Variants in ERI3 observed in about 807,000 individuals in gnomAD.
ERI3 encodes the protein ERI1 exoribonuclease 3.
A neutral mutation model predicts 44.4 loss-of-function variants in ERI3; 18 were observed. The observed-to-expected ratio is 0.41, with a 90% CI of 0.28 to 0.60. ERI3 has a LOEUF of 0.60. Ranked by LOEUF, ERI3 falls within the 20% of genes least tolerant of loss-of-function variation. ERI3 has a pLI of 0.36. For synonymous variants in ERI3, 183 were observed against 164.8 expected (o/e 1.11, Z -0.84); for missense variants, 294 against 435.5 (o/e 0.68, Z 2.89).
chr1:44,354,760 T>C, intron 1 of ERI3, 132 bp downstream of exon 1: 1 of 1,252,706 alleles, frequency 8.0e-7, no homozygotes, highest in Non-Finnish European at 1.0e-6. Context: ...CATTACTCAG[T>C]AGATTAAGTA....
intron 7 of ERI3, among the ~76,000 whole-genome samples, chr1:44,272,124 C>A (rs1428459335): frequency 2.0e-5 from 3 of 152,172 alleles, no homozygotes. Flanking sequence ...ACCATTTTAT[C>A]CTCAGGTCAA....
At chr1:44,353,043 T>C (rs1389425026) in intron 1 of ERI3, 118 bp from the exon 2 acceptor site, 2 of 1,540,912 alleles carry the variant, frequency 1.3e-6, no homozygotes, top group African/African-American at 1.4e-5. Flanking sequence ...GCTATCTATG[T>C]GCAAAGACAG....
intron 6 of ERI3, among the ~76,000 whole-genome samples, chr1:44,302,000 T>C (rs981439863): frequency 2.0e-5 from 3 of 152,192 alleles, no homozygotes; most frequent in African/African-American, 7.2e-5. Flanking sequence ...CCTGCCCTCT[T>C]TCCATTCTCA....
intron 2 of ERI3, among the ~76,000 whole-genome samples, chr1:44,349,565 C>T (rs897791432): frequency 7.2e-5 from 11 of 152,194 alleles, no homozygotes; most frequent in Non-Finnish European, 1.5e-5. Context: ...GCTGCCACCA[C>T]AAGCAGCTAT....
chr1:44,312,642 C>T (rs1408249842), intron 5 of ERI3, among the ~76,000 whole-genome samples: 1 of 152,236 alleles, frequency 6.6e-6, no homozygotes, highest in Non-Finnish European at 1.5e-5. Flanking sequence ...CCTCTGCACC[C>T]GACAGGCACA....
At chr1:44,237,479 G>A (rs2154316925) in intron 8 of ERI3, among the ~76,000 whole-genome samples, 1 of 152,332 alleles carries the variant, frequency 6.6e-6, no homozygotes, top group South Asian at 2.1e-4. Flanking sequence ...TTAGAGGCCA[G>A]CATCAACCCC....
At chr1:44,350,163 C>T (rs1210445599) in intron 2 of ERI3, among the ~76,000 whole-genome samples, 1 of 152,138 alleles carries the variant, frequency 6.6e-6, no homozygotes, top group African/African-American at 2.4e-5. Context: ...TCAAGAAGTT[C>T]GAATTAATTG....
chr1:44,261,202 C>T (rs1473921411), intron 7 of ERI3, among the ~76,000 whole-genome samples: 1 of 152,234 alleles, frequency 6.6e-6, no homozygotes, highest in African/African-American at 2.4e-5. Flanking sequence ...TTACCCTTGG[C>T]TTTTTGCTCC....
At chr1:44,262,781 T>G (rs1180432432) in intron 7 of ERI3, among the ~76,000 whole-genome samples, 1 of 152,202 alleles carries the variant, frequency 6.6e-6, no homozygotes, top group Non-Finnish European at 1.5e-5. Context: ...CCTGGTGGTC[T>G]ATTTAGAGCA....
chr1:44,341,467 C>T (rs547053614), intron 2 of ERI3, among the ~76,000 whole-genome samples: 1 of 152,240 alleles, frequency 6.6e-6, no homozygotes, highest in Non-Finnish European at 1.5e-5. Flanking sequence ...AGAGTAATAT[C>T]GATGTCTTCT....
At chr1:44,287,029 G>A (rs1645407710) in intron 6 of ERI3, among the ~76,000 whole-genome samples, 1 of 152,140 alleles carries the variant, frequency 6.6e-6, no homozygotes, top group Admixed American at 6.5e-5. Flanking sequence ...CATATTACCT[G>A]TGGTCAACCT....
chr1:44,342,822 T>TATATATATATATAA (rs1557867431), intron 2 of ERI3, among the ~76,000 whole-genome samples: 6 of 12,964 alleles, frequency 4.6e-4, no homozygotes, highest in East Asian at 1.8e-3. Flanking sequence ...AATATATATA[T>TATATATATATATAA]ATATATATAT....
intron 3 of ERI3, among the ~76,000 whole-genome samples, chr1:44,330,237 C>T (rs772559282): frequency 2.9e-4 from 44 of 152,308 alleles, no homozygotes; most frequent in African/African-American, 6.0e-4. Context: ...TCAGCAACGT[C>T]GGCATCTCCA....
At chr1:44,343,119 G>C (rs1646717959) in intron 2 of ERI3, among the ~76,000 whole-genome samples, 1 of 151,430 alleles carries the variant, frequency 6.6e-6, no homozygotes, top group South Asian at 2.1e-4. Flanking sequence ...ATAACATCTT[G>C]TATCAGAAAG....
chr1:44,310,973 A>G (rs5018143), intron 5 of ERI3, among the ~76,000 whole-genome samples: 47,423 of 101,206 alleles, frequency 0.47, 9,142 homozygotes, highest in Admixed American at 0.52. Flanking sequence ...GCACACACAC[A>G]CACACACACA....
chr1:44,251,813 T>C (rs1350970560), intron 7 of ERI3, among the ~76,000 whole-genome samples: 1 of 152,204 alleles, frequency 6.6e-6, no homozygotes, highest in African/African-American at 2.4e-5. Context: ...CAACATGGCA[T>C]CAAGGGGCCT....
chr1:44,331,301 ATTTT>A (rs112983929), intron 3 of ERI3, among the ~76,000 whole-genome samples: 2 of 144,160 alleles, frequency 1.4e-5, no homozygotes, highest in African/African-American at 5.1e-5. Context: ...CAAATTCCCA[ATTTT>A]TTTTTTTTTT....
intron 2 of ERI3, among the ~76,000 whole-genome samples, chr1:44,341,867 G>A (rs929443665): frequency 3.9e-5 from 6 of 152,276 alleles, no homozygotes; most frequent in Admixed American, 6.5e-5. Context: ...TCCAGTCTGG[G>A]TGACAGAGCA....
chr1:44,325,338 G>C (rs570222251), intron 3 of ERI3, among the ~76,000 whole-genome samples: 1 of 152,188 alleles, frequency 6.6e-6, no homozygotes, highest in South Asian at 2.1e-4. Flanking sequence ...GTCTCCCAAA[G>C]TGCTGGGATT....
Sources: allele counts gnomAD v4.1 joint callset (sites outside exome capture counted in the v4.1 genomes callset), GRCh38; gene constraint gnomAD v4.1.1; transcripts MANE v1.5; gene names NCBI Gene and HGNC (gene_info 2026-07-23, HGNC 2026-07-21).